NCOA2: variants seen among roughly 807,000 people sequenced by gnomAD.
The protein encoded by NCOA2 is class E basic helix-loop-helix protein 75.
In NCOA2, 21 loss-of-function variants were observed where a neutral mutation model predicts 145.1. The ratio of observed to expected loss-of-function variants is 0.14; its 90% CI spans 0.10 to 0.21. The LOEUF (loss-of-function observed/expected upper bound fraction) is 0.21, where lower values mean the gene tolerates loss of function less well. NCOA2 is among the 10% of genes least tolerant of loss of function. The pLI is 1.00. For missense variants in NCOA2, 1,472 were observed against 1,837.6 expected (o/e 0.80, Z 3.64); for synonymous variants, 619 against 637.5 (o/e 0.97, Z 0.44).
chr8:70,218,730 A>G (rs1819878701), intron 2 of NCOA2, among the ~76,000 whole-genome samples: 1 of 152,166 alleles, frequency 6.6e-6, no homozygotes, highest in African/African-American at 2.4e-5. Context: ...AGTCTAAGTA[A>G]CCTTTCAACA....
At chr8:70,427,038 G>A in the NCOA2 span, among the ~76,000 whole-genome samples, 1 of 152,134 alleles carries the variant, frequency 6.6e-6, no homozygotes, top group African/African-American at 2.4e-5. Context: ...TCCAACCTCA[G>A]CCTCCTGAAG....
At chr8:70,287,437 C>T (rs542487582) in intron 2 of NCOA2, among the ~76,000 whole-genome samples, 1 of 151,920 alleles carries the variant, frequency 6.6e-6, no homozygotes, top group South Asian at 2.1e-4. Flanking sequence ...TTCAACTTTG[C>T]GTAAAAAGGT....
chr8:70,406,374 A>C (rs945924694), upstream of NCOA2, among the ~76,000 whole-genome samples: 2 of 152,236 alleles, frequency 1.3e-5, no homozygotes, highest in African/African-American at 2.4e-5. Context: ...GTGAATCATC[A>C]CTATGATAAT....
At chr8:70,373,715 T>C (rs889426364) in intron 1 of NCOA2, among the ~76,000 whole-genome samples, 3 of 152,238 alleles carry the variant, frequency 2.0e-5, no homozygotes, top group African/African-American at 7.2e-5. Context: ...TTAGTTTTTA[T>C]GTATTTTATG....
intron 2 of NCOA2, among the ~76,000 whole-genome samples, chr8:70,283,110 T>C (rs565921788): frequency 6.6e-6 from 1 of 152,356 alleles, no homozygotes; most frequent in East Asian, 1.9e-4. Flanking sequence ...GTTTATCTTC[T>C]AGTGAACACA....
intron 11 of NCOA2, 50 bp downstream of exon 11, chr8:70,155,921 C>T (rs1812230896): frequency 1.4e-6 from 2 of 1,438,108 alleles, no homozygotes; most frequent in African/African-American, 1.4e-5. Flanking sequence ...GGAGAAAATC[C>T]TTGATGGATA....
At chr8:70,446,968 C>T in the NCOA2 span, among the ~76,000 whole-genome samples, 2 of 152,076 alleles carry the variant, frequency 1.3e-5, no homozygotes, top group South Asian at 2.1e-4. Context: ...GAAATGTTTT[C>T]GCTAAAATCA....
rs1806577635 is a variant in NCOA2, at chr8:70,111,986, C to G, written c.*1646G>C. Reference sequence around the variant, plus strand: ...TTCTTGGTATTGGAGTTGTCTGAAACTGACACCTATTAATAAAAGATTTTT... The same window carrying G: ...TTCTTGGTATTGGAGTTGTCTGAAAGTGACACCTATTAATAAAAGATTTTT... On this transcript the variant is annotated 3_prime_UTR_variant, in exon 23 of 23. Transcript: ENST00000452400. 1 of 220,354 alleles carries G rather than the reference C, an allele frequency of 4.5e-6. No individual in the cohort carries two copies. Among genetic ancestry groups the G allele is most frequent in the Non-Finnish European group, 9.1e-6 (1 of 109,834 alleles). 13.6% of individuals were successfully genotyped at this position (220,354 alleles called of 1,614,324 possible).
intron 4 of NCOA2, among the ~76,000 whole-genome samples, chr8:70,195,495 A>C (rs1386538919): frequency 1.3e-5 from 2 of 152,154 alleles, no homozygotes; most frequent in Non-Finnish European, 2.9e-5. Flanking sequence ...CCATACAAGT[A>C]AGGGGTCCTG....
intron 1 of NCOA2, among the ~76,000 whole-genome samples, chr8:70,403,132 C>T (rs1025747759): frequency 6.0e-5 from 9 of 151,036 alleles, no homozygotes; most frequent in Admixed American, 1.3e-4. Context: ...TCCCCTCGCC[C>T]GGCTCCCACT....
In NCOA2 at chr8:70,122,734, C is replaced by T. The variant is rs147876968; in HGVS notation, c.4293+1150G>A. Reference sequence around the variant, plus strand: ...TTTATTAATCGTTTTAAATAAAACACGGAAGCTCTGTAATAGTTCTTAAAA... The same window carrying T: ...TTTATTAATCGTTTTAAATAAAACATGGAAGCTCTGTAATAGTTCTTAAAA... On this transcript the variant is annotated intron_variant, in intron 21 of 22. Coordinates refer to ENST00000452400, the MANE Select transcript of NCOA2 (RefSeq NM_006540.4). Among the ~76,000 whole-genome samples, 4 of 152,172 alleles carry T rather than the reference C, an allele frequency of 2.6e-5. No homozygotes were observed. The South Asian group carries it at 6.2e-4, about 24-fold the overall frequency.
chr8:70,419,465 T>C, the NCOA2 span, among the ~76,000 whole-genome samples: 1 of 152,190 alleles, frequency 6.6e-6, no homozygotes, highest in Non-Finnish European at 1.5e-5. Flanking sequence ...CTTGTGATAA[T>C]CTTAACTACA....
intron 15 of NCOA2, among the ~76,000 whole-genome samples, chr8:70,134,835 T>C (rs558001050): frequency 6.6e-6 from 1 of 152,144 alleles, no homozygotes; most frequent in Non-Finnish European, 1.5e-5. Context: ...CTCCAGACCG[T>C]CCCACTTTGG....
intron 1 of NCOA2, among the ~76,000 whole-genome samples, chr8:70,389,640 G>GTCATCAAGGAGAATA (rs1477086023): frequency 5.9e-5 from 9 of 151,766 alleles, no homozygotes; most frequent in African/African-American, 2.2e-4. Flanking sequence ...CAAGGAGAAT[G>GTCATCAAGGAGAATA]TCATCAAGTA....
the NCOA2 span, among the ~76,000 whole-genome samples, chr8:70,445,759 G>GTGTT: frequency 1.3e-5 from 2 of 152,148 alleles, no homozygotes; most frequent in African/African-American, 4.8e-5. Flanking sequence ...GAAGACTTTT[G>GTGTT]TGTTTGATTG....
chr8:70,241,451 G>A (rs138005539), intron 2 of NCOA2, among the ~76,000 whole-genome samples: 2 of 152,126 alleles, frequency 1.3e-5, no homozygotes, highest in Non-Finnish European at 2.9e-5. Flanking sequence ...AATGCGGACC[G>A]AATACTCTTT....
chr8:70,450,493 C>T, the NCOA2 span, among the ~76,000 whole-genome samples: 4 of 150,464 alleles, frequency 2.7e-5, no homozygotes, highest in African/African-American at 9.8e-5. Flanking sequence ...CAATAAATTT[C>T]TGTTGTTTAT....
At chr8:70,234,731 T>A (rs1020809831) in intron 2 of NCOA2, among the ~76,000 whole-genome samples, 1 of 152,222 alleles carries the variant, frequency 6.6e-6, no homozygotes, top group South Asian at 2.1e-4. Flanking sequence ...TCAGTGATTC[T>A]TAACAGCTTT....
the NCOA2 span, among the ~76,000 whole-genome samples, chr8:70,449,418 G>A: frequency 1.3e-5 from 2 of 152,160 alleles, no homozygotes; most frequent in Non-Finnish European, 2.9e-5. Flanking sequence ...TTACAAAAGG[G>A]ATTAATTTCA....
Sources: gnomAD v4.1 joint callset for allele counts (sites outside exome capture counted in the v4.1 genomes callset) on GRCh38, gnomAD v4.1.1 for gene constraint, MANE v1.5 for transcripts, NCBI Gene and HGNC (gene_info 2026-07-23, HGNC 2026-07-21) for gene names.